Variants in KYNU observed in about 807,000 individuals in gnomAD.
KYNU encodes the protein L-kynurenine hydrolase.
Under a neutral mutation model 59.2 loss-of-function variants are expected in KYNU, and 54 were observed. The observed-to-expected ratio is 0.91, with a 90% CI of 0.73 to 1.14. KYNU has a LOEUF of 1.14. KYNU is among the 50% of genes most tolerant of loss of function. The probability of loss-of-function intolerance (pLI) is 0.00; values close to 1 mark genes in which losing one functional copy is unlikely to be tolerated. For missense variants in KYNU, 567 were observed against 554.4 expected (o/e 1.02, Z -0.23); for synonymous variants, 177 against 192.0 (o/e 0.92, Z 0.65).
In KYNU at chr2:142,947,958, G is replaced by A. The variant is rs1461736613; in HGVS notation, c.374-6852G>A. On this transcript the variant is annotated intron_variant, in intron 4 of 13. Coordinates refer to ENST00000264170, the MANE Select transcript of KYNU (RefSeq NM_003937.3). ...TTGTATCATTGGGTCCTCCAAGTCA[G>A]GCCTGGGTGCCTCTTTATTTACAAA... 2.0e-5 allele frequency: 3 copies of A among 152,256 alleles called. No homozygotes were observed. The East Asian group carries it at 5.8e-4, about 29-fold the overall frequency. The allele number at this position is 152,256 out of a possible 1,614,324, so 9.4% of individuals were successfully genotyped here. A position where few individuals can be genotyped will look rare whatever the true frequency, so the allele number is the denominator to read the frequency against.
At chr2:142,898,414 G>A (rs1204158472) in intron 2 of KYNU, among the ~76,000 whole-genome samples, 1 of 151,412 alleles carries the variant, frequency 6.6e-6, no homozygotes, top group Non-Finnish European at 1.5e-5. Context: ...TCTTAGCTAT[G>A]TCTTAGGATT....
intron 2 of KYNU, among the ~76,000 whole-genome samples, chr2:142,909,366 T>C (rs1251198656): frequency 6.6e-6 from 1 of 152,206 alleles, no homozygotes; most frequent in African/African-American, 2.4e-5. Flanking sequence ...TTTCAACTTA[T>C]ATTTTAGGTT....
chr2:142,986,050 G>A (rs768082679), intron 10 of KYNU, 29 bp downstream of exon 10: 1 of 1,488,144 alleles, frequency 6.7e-7, no homozygotes, highest in Non-Finnish European at 9.4e-7. Flanking sequence ...TAATTCTTTG[G>A]TGATGAACAA....
chr2:142,897,829 A>G (rs7573059), intron 2 of KYNU, among the ~76,000 whole-genome samples: 152,072 of 152,364 alleles, frequency 1, 75,891 homozygotes, highest in Middle Eastern at 1. Context: ...TTTTAGTAGA[A>G]TATTATCTTT....
intron 12 of KYNU, among the ~76,000 whole-genome samples, chr2:143,037,324 A>C (rs913947805): frequency 1.3e-5 from 2 of 152,204 alleles, no homozygotes; most frequent in South Asian, 2.1e-4. Context: ...TTTCCAAAAT[A>C]CTTAAATTTA....
intron 13 of KYNU, among the ~76,000 whole-genome samples, chr2:143,040,878 A>G (rs1301733105): frequency 1.3e-5 from 2 of 152,090 alleles, no homozygotes; most frequent in Non-Finnish European, 2.9e-5. Context: ...CTTGGCTTAT[A>G]GGAATAGTTT....
At chr2:142,925,761 A>G (rs529368339) in intron 3 of KYNU, among the ~76,000 whole-genome samples, 1 of 152,254 alleles carries the variant, frequency 6.6e-6, no homozygotes, top group Non-Finnish European at 1.5e-5. Flanking sequence ...AGGAGGAAAA[A>G]CAGTGCTCTA....
intron 7 of KYNU, among the ~76,000 whole-genome samples, chr2:142,959,029 T>C (rs1684256580): frequency 6.6e-6 from 1 of 152,126 alleles, no homozygotes; most frequent in African/African-American, 2.4e-5. Context: ...ACAATCCCAT[T>C]AATATTGGGA....
intron 11 of KYNU, 80 bp from the exon 12 acceptor site, chr2:143,033,156 T>C: frequency 1.0e-6 from 1 of 969,120 alleles, no homozygotes; most frequent in East Asian, 2.4e-5. Context: ...TCTTGCTCTT[T>C]TACTCTCCAG....
intron 10 of KYNU, among the ~76,000 whole-genome samples, chr2:143,006,198 C>A (rs530297359): frequency 6.6e-6 from 1 of 151,938 alleles, no homozygotes; most frequent in Non-Finnish European, 1.5e-5. Flanking sequence ...AGTGGGTGCA[C>A]GCACCGTGCG....
At chr2:143,005,547 A>AT (rs1685852647) in intron 10 of KYNU, among the ~76,000 whole-genome samples, 1 of 152,112 alleles carries the variant, frequency 6.6e-6, no homozygotes, top group African/African-American at 2.4e-5. Flanking sequence ...ATGTCAGTAA[A>AT]TTTCCCGGGA....
chr2:142,921,178 T>C lies in KYNU; in HGVS notation c.290+2449T>C, dbSNP rs561591294. 1.8e-4 allele frequency among the ~76,000 whole-genome samples: 28 copies of C among 152,318 alleles called. 1 individual carries two copies. In the South Asian group the frequency reaches 5.6e-3, roughly 30 times the overall value. On this transcript the variant is annotated intron_variant, in intron 3 of 13. Coordinates refer to ENST00000264170, the MANE Select transcript of KYNU (RefSeq NM_003937.3). ...CCAGCTTGACTAAAGGGAAGAGTTT[T>C]AGAGCTTCAGTGGGAAAATATGAAA...
At chr2:143,002,058 G>A (rs1196333881) in intron 10 of KYNU, among the ~76,000 whole-genome samples, 1 of 152,144 alleles carries the variant, frequency 6.6e-6, no homozygotes, top group Non-Finnish European at 1.5e-5. Flanking sequence ...CAGGTAATGG[G>A]GATGGGGAAA....
At chr2:142,982,869 T>G (rs766767546) in intron 8 of KYNU, among the ~76,000 whole-genome samples, 6 of 152,082 alleles carry the variant, frequency 3.9e-5, no homozygotes, top group Admixed American at 2.0e-4. Context: ...ACTCACGCAG[T>G]AACTGATCCA....
chr2:142,883,224 C>T (rs1161723839), intron 1 of KYNU, among the ~76,000 whole-genome samples: 2 of 111,916 alleles, frequency 1.8e-5, no homozygotes, highest in Admixed American at 2.6e-4. Context: ...GAGATGGAGT[C>T]TCGCTGTCGC....
At chr2:143,038,469 A>G (rs959640941) in intron 12 of KYNU, among the ~76,000 whole-genome samples, 1 of 152,138 alleles carries the variant, frequency 6.6e-6, no homozygotes, top group Admixed American at 6.6e-5. Context: ...AAGAAAATGA[A>G]GGAGATGCCT....
chr2:143,007,069 C>T (rs1205005377), intron 10 of KYNU, among the ~76,000 whole-genome samples: 1 of 152,016 alleles, frequency 6.6e-6, no homozygotes, highest in Non-Finnish European at 1.5e-5. Flanking sequence ...ATGACTTTGA[C>T]GAGCTGAGAG....
chr2:142,955,894 G>A (rs1158061741), intron 5 of KYNU, among the ~76,000 whole-genome samples: 3 of 152,008 alleles, frequency 2.0e-5, no homozygotes, highest in Non-Finnish European at 4.4e-5. Flanking sequence ...AGCTTTTTTT[G>A]TTGTTAATCA....
At position 143,054,204 on chromosome 2, in the gene KYNU, C is replaced by T. The variant is rs1687314434; in HGVS notation, c.*12032C>T. 2.0e-5 allele frequency: 3 copies of T among 152,160 alleles called. No individual in the cohort carries two copies. The highest frequency in any genetic ancestry group is 2.1e-4 in the South Asian group (1 of 4,816). 9.4% of individuals were successfully genotyped at this position (152,160 alleles called of 1,614,324 possible). A position where few individuals can be genotyped will look rare whatever the true frequency, so the allele number is the denominator to read the frequency against. ...TTAAATTTTAGATTCTACAATATCT[C>T]CAATTCTTCAGTTTATTCCCTCTTA... On this transcript the variant is annotated 3_prime_UTR_variant, in exon 14 of 14. Transcript: ENST00000264170.
Sources: allele counts gnomAD v4.1 joint callset (sites outside exome capture counted in the v4.1 genomes callset), GRCh38; gene constraint gnomAD v4.1.1; transcripts MANE v1.5; gene names NCBI Gene and HGNC (gene_info 2026-07-23, HGNC 2026-07-21).